Variants in DCDC2 observed in about 807,000 individuals in gnomAD.
DCDC2 encodes doublecortin domain-containing protein 2.
DCDC2 carries 40 observed loss-of-function variants against 50.2 expected under a neutral mutation model. The ratio of observed to expected loss-of-function variants is 0.80; its 90% CI spans 0.62 to 1.04. The LOEUF (loss-of-function observed/expected upper bound fraction) is 1.04, where lower values mean the gene tolerates loss of function less well. Ranked by LOEUF, DCDC2 falls within the 50% of genes least tolerant of loss-of-function variation. DCDC2 has a pLI of 0.00. For synonymous variants in DCDC2, 234 were observed against 210.6 expected (o/e 1.11, Z -0.96); for missense variants, 570 against 581.9 (o/e 0.98, Z 0.21).
intron 4 of DCDC2, among the ~76,000 whole-genome samples, chr6:24,294,955 C>A (rs1310819517): frequency 6.6e-6 from 1 of 152,030 alleles, no homozygotes; most frequent in Non-Finnish European, 1.5e-5. Flanking sequence ...AACTCCTCCT[C>A]AACTTGTTCT....
intron 7 of DCDC2, among the ~76,000 whole-genome samples, chr6:24,210,017 A>AGGGG (rs201560795): frequency 3.3e-4 from 33 of 99,832 alleles, no homozygotes; most frequent in African/African-American, 9.2e-4. Context: ...CAGCAGTATC[A>AGGGG]GGGTGTGTGT....
intron 7 of DCDC2, 93 bp downstream of exon 7, chr6:24,277,956 A>C: frequency 9.5e-7 from 1 of 1,053,516 alleles, no homozygotes; most frequent in Non-Finnish European, 1.3e-6. Flanking sequence ...ATATATGAAA[A>C]TAAGGAATAT....
At chr6:24,234,786 A>G (rs1027974347) in intron 7 of DCDC2, among the ~76,000 whole-genome samples, 2 of 152,180 alleles carry the variant, frequency 1.3e-5, no homozygotes, top group East Asian at 3.8e-4. Context: ...TTGGACCCCA[A>G]AAAATGTACA....
intron 7 of DCDC2, among the ~76,000 whole-genome samples, chr6:24,231,568 C>T (rs1087290): frequency 6.6e-6 from 1 of 151,814 alleles, no homozygotes; most frequent in Non-Finnish European, 1.5e-5. Flanking sequence ...TCCCCTCCCC[C>T]ATCCTCCACC....
intron 7 of DCDC2, among the ~76,000 whole-genome samples, chr6:24,220,900 G>GAGCGAGAGAGTGAGCGAGCA: frequency 1.6e-5 from 2 of 126,406 alleles, no homozygotes; most frequent in Admixed American, 7.8e-5. Context: ...GTGAGCGAGC[G>GAGCGAGAGAGTGAGCGAGCA]AGCGAGAGAG....
At chr6:24,199,130 G>A (rs1373676978) in intron 8 of DCDC2, among the ~76,000 whole-genome samples, 1 of 152,222 alleles carries the variant, frequency 6.6e-6, no homozygotes, top group Non-Finnish European at 1.5e-5. Flanking sequence ...AGAGAGCAGT[G>A]GATCTCCCAG....
intron 2 of DCDC2, among the ~76,000 whole-genome samples, chr6:24,344,170 G>A (rs965742755): frequency 5.3e-5 from 8 of 151,678 alleles, no homozygotes; most frequent in Non-Finnish European, 7.4e-5. Context: ...TCTTCTATGA[G>A]TTTGACTTTT....
At chr6:24,205,235 A>C (rs779527062) in intron 7 of DCDC2, 133 bp from the exon 8 acceptor site, 75 of 1,592,930 alleles carry the variant, frequency 4.7e-5, no homozygotes, top group Middle Eastern at 1.7e-4. Flanking sequence ...ATTTTTGTGC[A>C]CCCCCTCCTC....
the DCDC2 span, among the ~76,000 whole-genome samples, chr6:24,367,030 C>A: frequency 1.3e-5 from 2 of 152,094 alleles, no homozygotes; most frequent in African/African-American, 4.8e-5. Context: ...GGATGGGGGT[C>A]TCTCTGTGTT....
chr6:24,342,163 G>A (rs2127249043), intron 2 of DCDC2, among the ~76,000 whole-genome samples: 1 of 152,264 alleles, frequency 6.6e-6, no homozygotes, highest in African/African-American at 2.4e-5. Flanking sequence ...GTTAGTGGGG[G>A]AAAACTGAAA....
At chr6:24,326,170 GAAGGAAGGAAGGAAGGAAGGAAGA>G (rs1414221055) in intron 2 of DCDC2, among the ~76,000 whole-genome samples, 1 of 127,802 alleles carries the variant, frequency 7.8e-6, no homozygotes, top group Non-Finnish European at 1.7e-5. Flanking sequence ...GGAAGGAAAG[GAAGGAAGGAAGGAAGGAAGGAAGA>G]AAGGAAGGAA....
chr6:24,234,632 GA>G (rs1439815760), intron 7 of DCDC2, among the ~76,000 whole-genome samples: 1 of 152,176 alleles, frequency 6.6e-6, no homozygotes, highest in Admixed American at 6.5e-5. Context: ...AGGACTTGAT[GA>G]AAAATTGTGA....
At chr6:24,254,087 C>A (rs900030013) in intron 7 of DCDC2, among the ~76,000 whole-genome samples, 1 of 150,122 alleles carries the variant, frequency 6.7e-6, no homozygotes, top group Non-Finnish European at 1.5e-5. Flanking sequence ...GACACAAACA[C>A]ACACATTAGC....
intron 7 of DCDC2, among the ~76,000 whole-genome samples, chr6:24,266,714 G>C (rs1763129746): frequency 6.6e-6 from 1 of 152,104 alleles, no homozygotes; most frequent in South Asian, 2.1e-4. Context: ...TACTGTTGAT[G>C]GGAATGTAAA....
At chr6:24,328,636 T>C (rs1414964694) in intron 2 of DCDC2, among the ~76,000 whole-genome samples, 2 of 152,204 alleles carry the variant, frequency 1.3e-5, no homozygotes, top group African/African-American at 2.4e-5. Context: ...TCCCTACTCC[T>C]GGCCTTTTAA....
At chr6:24,299,437 C>T (rs1249613514) in intron 4 of DCDC2, among the ~76,000 whole-genome samples, 2 of 152,118 alleles carry the variant, frequency 1.3e-5, no homozygotes, top group Non-Finnish European at 2.9e-5. Flanking sequence ...ATGCAATATA[C>T]CCATGTAACA....
At chr6:24,213,776 A>G (rs973223001) in intron 7 of DCDC2, among the ~76,000 whole-genome samples, 2 of 152,146 alleles carry the variant, frequency 1.3e-5, no homozygotes, top group Non-Finnish European at 2.9e-5. Context: ...ACATGTAATA[A>G]CACTTCCTTA....
intron 7 of DCDC2, among the ~76,000 whole-genome samples, chr6:24,272,936 C>G (rs906162971): frequency 3.3e-5 from 5 of 151,956 alleles, no homozygotes; most frequent in African/African-American, 4.8e-5. Context: ...CTATTCACAA[C>G]AGCAAAGATA....
intron 7 of DCDC2, among the ~76,000 whole-genome samples, chr6:24,245,834 A>C (rs1762659800): frequency 6.6e-6 from 1 of 152,236 alleles, no homozygotes; most frequent in Admixed American, 6.5e-5. Flanking sequence ...AAAAACTGGC[A>C]AATTTGAAAA....
Sources: gnomAD v4.1 joint callset for allele counts (sites outside exome capture counted in the v4.1 genomes callset) on GRCh38, gnomAD v4.1.1 for gene constraint, MANE v1.5 for transcripts, NCBI Gene and HGNC (gene_info 2026-07-23, HGNC 2026-07-21) for gene names.